LRFN5: variants seen among roughly 807,000 people sequenced by gnomAD.
The protein encoded by LRFN5 is leucine-rich repeat and fibronectin type-III domain-containing protein 5.
A neutral mutation model predicts 45.6 loss-of-function variants in LRFN5; 24 were observed. The ratio of observed to expected loss-of-function variants is 0.53; its 90% CI spans 0.38 to 0.74. LRFN5 has a LOEUF of 0.74. Ranked by LOEUF, LRFN5 falls within the 30% of genes least tolerant of loss-of-function variation. The pLI is 0.00. For synonymous variants in LRFN5, 340 were observed against 313.8 expected (o/e 1.08, Z -0.88); for missense variants, 776 against 861.5 (o/e 0.90, Z 1.24).
intron 1 of LRFN5, among the ~76,000 whole-genome samples, chr14:41,659,892 GTT>G (rs11352345): frequency 2.4e-5 from 3 of 123,886 alleles, no homozygotes; most frequent in Admixed American, 8.0e-5. Context: ...ACTTTTTGAT[GTT>G]TTTTTTTTTT....
At chr14:41,731,973 C>T (rs1884199151) in intron 1 of LRFN5, 1 of 152,144 alleles carries the variant, frequency 6.6e-6, no homozygotes, top group Non-Finnish European at 1.5e-5. Context: ...TAGTGAGAAG[C>T]ACCAGAAATC....
At chr14:41,684,002 C>G (rs1038119142) in intron 1 of LRFN5, among the ~76,000 whole-genome samples, 1 of 152,116 alleles carries the variant, frequency 6.6e-6, no homozygotes, top group Non-Finnish European at 1.5e-5. Context: ...CTGTCATGAA[C>G]AGAAAGAATA....
intron 1 of LRFN5, among the ~76,000 whole-genome samples, chr14:41,622,292 G>A (rs867521972): frequency 2.6e-5 from 4 of 151,778 alleles, no homozygotes; most frequent in Non-Finnish European, 5.9e-5. Flanking sequence ...TGTTATTTTA[G>A]GGAAACAAAT....
intron 1 of LRFN5, among the ~76,000 whole-genome samples, chr14:41,721,845 T>C (rs1883728128): frequency 6.6e-6 from 1 of 152,136 alleles, no homozygotes; most frequent in Non-Finnish European, 1.5e-5. Flanking sequence ...CTATGTGTCT[T>C]GGTGATGTAT....
intron 1 of LRFN5, among the ~76,000 whole-genome samples, chr14:41,740,966 C>A (rs1245063741): frequency 6.6e-6 from 1 of 151,826 alleles, no homozygotes; most frequent in Non-Finnish European, 1.5e-5. Flanking sequence ...AAAATAATTC[C>A]ATTTACAATA....
intron 1 of LRFN5, among the ~76,000 whole-genome samples, chr14:41,644,453 T>G (rs571882562): frequency 8.5e-5 from 13 of 152,366 alleles, no homozygotes; most frequent in African/African-American, 2.9e-4. Flanking sequence ...GTTTAAAGTT[T>G]TGATAGTGTA....
At chr14:41,807,774 G>A (rs1172031337) in intron 2 of LRFN5, among the ~76,000 whole-genome samples, 2 of 152,024 alleles carry the variant, frequency 1.3e-5, no homozygotes, top group Non-Finnish European at 2.9e-5. Context: ...ACATAGATTT[G>A]AATGAAGATA....
In LRFN5 at chr14:41,781,070, C is replaced by T. The variant is rs533458310; in HGVS notation, c.-21+14041C>T. On this transcript the variant is annotated intron_variant, in intron 2 of 5. Transcript: ENST00000298119. ...TACTATTTGTACTTCGAACAACTAG[C>T]TATCTTTTAGATTGATTAAGAACAG... Among the ~76,000 whole-genome samples the T allele has an allele frequency of 2.8e-3, 428 of 152,276 alleles. 1 individual carries two copies. Among genetic ancestry groups the T allele is most frequent in the African/African-American group, 1.0e-2 (415 of 41,576 alleles).
chr14:41,810,669 A>G (rs1887705768), intron 2 of LRFN5, among the ~76,000 whole-genome samples: 1 of 152,114 alleles, frequency 6.6e-6, no homozygotes, highest in Non-Finnish European at 1.5e-5. Context: ...GTTGTATTTT[A>G]CTTTCCAAAT....
At position 41,751,387 on chromosome 14, in the gene LRFN5, T is replaced by C. The variant is rs1016979562; in HGVS notation, c.-196-15467T>C. On this transcript the variant is annotated intron_variant, in intron 1 of 5. Transcript: ENST00000298119. ...AGCATCAAAATCACAAATTAGAATA[T>C]ATTGAAAAAAAATTGAAATTATAAT... 5.3e-5 allele frequency among the ~76,000 whole-genome samples: 8 copies of C among 152,176 alleles called. 1 individual carries two copies. In the South Asian group the frequency reaches 8.3e-4, roughly 16 times the overall value.
intron 2 of LRFN5, among the ~76,000 whole-genome samples, chr14:41,824,773 G>C (rs894427123): frequency 4.6e-5 from 7 of 152,034 alleles, no homozygotes; most frequent in Admixed American, 3.9e-4. Context: ...TTGGAGAGAG[G>C]GACAAAGCTG....
intron 1 of LRFN5, among the ~76,000 whole-genome samples, chr14:41,719,255 A>C (rs1021581748): frequency 1.3e-5 from 2 of 152,104 alleles, no homozygotes; most frequent in African/African-American, 4.8e-5. Context: ...ATGAAATATG[A>C]TGTCTATTTG....
At chr14:41,791,757 T>C (rs1349392582) in intron 2 of LRFN5, among the ~76,000 whole-genome samples, 1 of 152,130 alleles carries the variant, frequency 6.6e-6, no homozygotes, top group Non-Finnish European at 1.5e-5. Flanking sequence ...TTTCAGGTAA[T>C]ACTGCTGCAA....
At chr14:41,620,837 T>C (rs2138557628) in intron 1 of LRFN5, among the ~76,000 whole-genome samples, 1 of 151,980 alleles carries the variant, frequency 6.6e-6, no homozygotes, top group East Asian at 1.9e-4. Flanking sequence ...TTAGCTATAA[T>C]GTCTATATTA....
chr14:41,633,461 C>T (rs965183914), intron 1 of LRFN5, among the ~76,000 whole-genome samples: 5 of 152,050 alleles, frequency 3.3e-5, no homozygotes, highest in Non-Finnish European at 5.9e-5. Context: ...ATTTCAATAA[C>T]TTTGAAAAAT....
chr14:41,716,153 G>T (rs557640386), intron 1 of LRFN5, among the ~76,000 whole-genome samples: 13 of 152,248 alleles, frequency 8.5e-5, no homozygotes, highest in Non-Finnish European at 1.8e-4. Flanking sequence ...CCCTGGGACT[G>T]GCCCCCAAGA....
intron 1 of LRFN5, among the ~76,000 whole-genome samples, chr14:41,710,475 GTT>G (rs1883235931): frequency 6.6e-6 from 1 of 151,936 alleles, no homozygotes; most frequent in Non-Finnish European, 1.5e-5. Flanking sequence ...ATGTAGGTGT[GTT>G]TTTTGTTAAT....
At chr14:41,734,996 T>C (rs74047914) in intron 1 of LRFN5, among the ~76,000 whole-genome samples, 6,800 of 152,238 alleles carry the variant, frequency 0.045, 336 homozygotes, top group African/African-American at 0.12. Flanking sequence ...TTACTTAACA[T>C]ATTTTTGTAA....
chr14:41,686,469 T>G (rs548686834), intron 1 of LRFN5, among the ~76,000 whole-genome samples: 13 of 151,912 alleles, frequency 8.6e-5, no homozygotes, highest in Non-Finnish European at 1.8e-4. Context: ...TCTTTCTCTT[T>G]CCTGATTGCC....
Sources: allele counts gnomAD v4.1 joint callset (sites outside exome capture counted in the v4.1 genomes callset), GRCh38; gene constraint gnomAD v4.1.1; transcripts MANE v1.5; gene names NCBI Gene and HGNC (gene_info 2026-07-23, HGNC 2026-07-21).